GKAP1: variants seen among roughly 807,000 people sequenced by gnomAD.
GKAP1 encodes G kinase anchoring protein 1, also known as G kinase-anchoring protein 1.
In GKAP1, 31 loss-of-function variants were observed where a neutral mutation model predicts 56.7. The ratio of observed to expected loss-of-function variants is 0.55; its 90% confidence interval spans 0.41 to 0.74. The LOEUF is 0.74. Among genes scored for constraint, GKAP1 ranks in the 30% least tolerant of loss-of-function variants. The pLI is 0.00. For missense variants in GKAP1, 364 were observed against 402.3 expected (o/e 0.90, Z 0.82); for synonymous variants, 151 against 138.6 (o/e 1.09, Z -0.63).
At chr9:83,779,502 CATATATGTGTATAT>C (rs1564201628) in intron 7 of GKAP1, among the ~76,000 whole-genome samples, 12 of 118,020 alleles carry the variant, frequency 1.0e-4, no homozygotes, top group African/African-American at 3.3e-4. Context: ...CACATATACA[CATATATGTGTATAT>C]ATATACACGT....
rs954143442 is a variant in GKAP1 at position 83,813,731 on chromosome 9, C to T, written c.-44+3265G>A. Among the ~76,000 whole-genome samples the T allele has an allele frequency of 5.3e-5, 8 of 152,318 alleles. No individual in the cohort carries two copies. The South Asian group carries it at 6.2e-4, about 12-fold the overall frequency. On this transcript the variant is annotated intron_variant, in intron 2 of 12. Coordinates refer to ENST00000376371, the MANE Select transcript of GKAP1 (RefSeq NM_025211.4). The stretch of plus-strand genomic sequence containing the variant: ...ACATTCTCAATATGCAGGCAGTTCA[C>T]CATAAATAAATATATCTTCTACTAT...
At chr9:83,814,111 GA>G (rs200707833) in intron 2 of GKAP1, among the ~76,000 whole-genome samples, 23 of 141,874 alleles carry the variant, frequency 1.6e-4, no homozygotes, top group African/African-American at 3.1e-4. Context: ...AGAAGAAAAA[GA>G]AAAAAAAAAG....
intron 7 of GKAP1, among the ~76,000 whole-genome samples, chr9:83,774,459 T>G (rs1021866619): frequency 6.6e-6 from 1 of 151,248 alleles, no homozygotes; most frequent in Admixed American, 6.6e-5. Flanking sequence ...AAAAACTAGC[T>G]GGGAGTGGTG....
intron 7 of GKAP1, among the ~76,000 whole-genome samples, chr9:83,778,545 G>T (rs1943899875): frequency 1.3e-5 from 2 of 152,042 alleles, no homozygotes; most frequent in Admixed American, 1.3e-4. Flanking sequence ...GCTTACCAGA[G>T]GGTGAAGGGT....
At chr9:83,743,843 G>GT (rs1943247260) in intron 10 of GKAP1, among the ~76,000 whole-genome samples, 1 of 152,072 alleles carries the variant, frequency 6.6e-6, no homozygotes, top group African/African-American at 2.4e-5. Flanking sequence ...TTGGCCCTAT[G>GT]TTTCCTAAGC....
chr9:83,759,051 G>A (rs770943074), intron 8 of GKAP1, among the ~76,000 whole-genome samples: 4 of 151,786 alleles, frequency 2.6e-5, no homozygotes, highest in African/African-American at 4.8e-5. Flanking sequence ...TTTTATGTAC[G>A]ACACATTAGG....
At chr9:83,774,698 C>A (rs13301582) in intron 7 of GKAP1, among the ~76,000 whole-genome samples, 25,313 of 71,086 alleles carry the variant, frequency 0.36, 5,735 homozygotes, top group Admixed American at 0.47. Flanking sequence ...TAAACAGAAA[C>A]CCCCTTTTTT....
At chr9:83,741,911 A>G in intron 12 of GKAP1, 41 bp downstream of exon 12, 1 of 1,236,156 alleles carries the variant, frequency 8.1e-7, no homozygotes. Flanking sequence ...CTCCAAATGT[A>G]TTATTTGTGA....
At chr9:83,815,700 A>G (rs538360614) in intron 2 of GKAP1, among the ~76,000 whole-genome samples, 4 of 152,214 alleles carry the variant, frequency 2.6e-5, no homozygotes, top group Admixed American at 2.6e-4. Context: ...TAGCCTGACC[A>G]AAAAAAGGTA....
rs137913305 is a variant in GKAP1 at position 83,760,876 on chromosome 9, G to A, written c.739-7517C>T. On this transcript the variant is annotated intron_variant, in intron 8 of 12. Coordinates refer to ENST00000376371, the MANE Select transcript of GKAP1 (RefSeq NM_025211.4). ...GAATACAATAAATGCAGTACTAAGA[G>A]GGAAAGTTATAGCTATAAGTGCCTA... 1.4e-4 allele frequency among the ~76,000 whole-genome samples: 22 copies of A among 151,882 alleles called. No individual in the cohort carries two copies. In the East Asian group the frequency reaches 4.3e-3, roughly 29 times the overall value.
At chr9:83,774,634 C>T (rs1289440600) in intron 7 of GKAP1, among the ~76,000 whole-genome samples, 4 of 143,790 alleles carry the variant, frequency 2.8e-5, no homozygotes, top group Admixed American at 2.1e-4. Flanking sequence ...CAAAAACTGA[C>T]AAACGGGACC....
intron 2 of GKAP1, among the ~76,000 whole-genome samples, chr9:83,811,112 T>G (rs2131328757): frequency 6.6e-6 from 1 of 152,380 alleles, no homozygotes; most frequent in Non-Finnish European, 1.5e-5. Context: ...TTATGGGTGT[T>G]CTTACTATTC....
intron 6 of GKAP1, among the ~76,000 whole-genome samples, chr9:83,783,845 A>C (rs1163541176): frequency 1.3e-5 from 2 of 152,218 alleles, no homozygotes; most frequent in African/African-American, 2.4e-5. Flanking sequence ...CAAACTCAAA[A>C]ATACAAAAAG....
intron 3 of GKAP1, 57 bp from the exon 4 acceptor site, chr9:83,799,385 G>A (rs2131312083): frequency 3.3e-6 from 4 of 1,225,500 alleles, no homozygotes; most frequent in Non-Finnish European, 4.6e-6. Context: ...GGATACTAAT[G>A]ATTTTTTTAA....
chr9:83,779,965 A>G (rs1943943398), intron 7 of GKAP1, among the ~76,000 whole-genome samples: 1 of 152,054 alleles, frequency 6.6e-6, no homozygotes, highest in African/African-American at 2.4e-5. Flanking sequence ...ACCCATGAGT[A>G]TATCTAAAGA....
intron 4 of GKAP1, among the ~76,000 whole-genome samples, chr9:83,791,794 C>T (rs890668673): frequency 2.0e-5 from 3 of 151,820 alleles, no homozygotes; most frequent in Non-Finnish European, 4.4e-5. Context: ...AAAAGAGCTA[C>T]AAAAGTTGAG....
Position 83,817,582 on chromosome 9 carries a change from G to C in GKAP1, c.-241C>G, listed in dbSNP as rs1944642637. 6.6e-6 allele frequency: 1 copy of C among 151,814 alleles called. No individual in the cohort carries two copies. The highest frequency in any genetic ancestry group is 2.4e-5 in the African/African-American group (1 of 41,370). 9.4% of individuals were successfully genotyped at this position (151,814 alleles called of 1,614,324 possible). ...TCCCCCCGCCGCCGCCTCTCCCGCGGCTCCCCGGGCGGCCGCACTGGGCGT... is the reference window on the plus strand; with the variant it reads ...TCCCCCCGCCGCCGCCTCTCCCGCGCCTCCCCGGGCGGCCGCACTGGGCGT... On this transcript the variant is annotated 5_prime_UTR_variant, in exon 1 of 13. Transcript: ENST00000376371.
intron 3 of GKAP1, among the ~76,000 whole-genome samples, chr9:83,804,801 G>C (rs1240636703): frequency 6.8e-6 from 1 of 146,976 alleles, no homozygotes; most frequent in Non-Finnish European, 1.5e-5. Flanking sequence ...ACTGGGAAGT[G>C]AGGAGCCCCT....
At chr9:83,756,612 C>T (rs143915631) in intron 8 of GKAP1, among the ~76,000 whole-genome samples, 62 of 151,920 alleles carry the variant, frequency 4.1e-4, no homozygotes, top group African/African-American at 1.4e-3. Context: ...ATAGTAAGAC[C>T]ACACCAAATT....
Sources: allele counts gnomAD v4.1 joint callset (sites outside exome capture counted in the v4.1 genomes callset), GRCh38; gene constraint gnomAD v4.1.1; transcripts MANE v1.5; gene names NCBI Gene and HGNC (gene_info 2026-07-23, HGNC 2026-07-21).